Variants in OPN3 observed in about 807,000 individuals in gnomAD.
OPN3 encodes the protein opsin 3.
A neutral mutation model predicts 33.8 loss-of-function variants in OPN3; 29 were observed. The ratio of observed to expected loss-of-function variants is 0.86; its 90% CI spans 0.64 to 1.17. OPN3 has a LOEUF of 1.17. Ranked by LOEUF, OPN3 falls within the 50% of genes most tolerant of loss-of-function variation. The pLI is 0.00. For missense variants in OPN3, 437 were observed against 514.1 expected (o/e 0.85, Z 1.45); for synonymous variants, 216 against 216.1 (o/e 1.00, Z 0.00).
chr1:241,605,252 T>C (rs1395427451), intron 1 of OPN3, among the ~76,000 whole-genome samples: 1 of 152,038 alleles, frequency 6.6e-6, no homozygotes, highest in Non-Finnish European at 1.5e-5. Flanking sequence ...TACCTTCTCT[T>C]GGCTGTCTCT....
intron 1 of OPN3, among the ~76,000 whole-genome samples, chr1:241,626,066 G>A (rs766203962): frequency 9.2e-5 from 14 of 152,220 alleles, no homozygotes; most frequent in Admixed American, 6.5e-4. Context: ...ATATCTAAAT[G>A]TGTACTATTT....
chr1:241,606,594 A>T (rs1387317545), intron 1 of OPN3, among the ~76,000 whole-genome samples: 2 of 150,544 alleles, frequency 1.3e-5, no homozygotes, highest in Non-Finnish European at 3.0e-5. Context: ...AATAAAATAA[A>T]TAAAATAACT....
At chr1:241,630,007 T>C (rs1664562519) in intron 1 of OPN3, 1 of 152,102 alleles carries the variant, frequency 6.6e-6, no homozygotes, top group Non-Finnish European at 1.5e-5. Flanking sequence ...CAGCAACCAG[T>C]TGGAATGTTA....
intron 1 of OPN3, among the ~76,000 whole-genome samples, chr1:241,607,534 C>T (rs1663864553): frequency 7.1e-6 from 1 of 139,984 alleles, no homozygotes; most frequent in South Asian, 2.3e-4. Context: ...GACAGACAGA[C>T]AGAGAGCAAG....
At chr1:241,606,789 A>G (rs1210872961) in intron 1 of OPN3, among the ~76,000 whole-genome samples, 10 of 152,174 alleles carry the variant, frequency 6.6e-5, no homozygotes, top group African/African-American at 1.9e-4. Context: ...AATGAAAATA[A>G]GACTGGTCTC....
intron 1 of OPN3, among the ~76,000 whole-genome samples, chr1:241,637,759 A>G (rs1030120151): frequency 6.6e-5 from 10 of 152,218 alleles, no homozygotes; most frequent in Non-Finnish European, 1.2e-4. Context: ...GGAGAGATTA[A>G]GTGACTTGAG....
chr1:241,634,927 T>A, intron 1 of OPN3: 1 of 1,612,766 alleles, frequency 6.2e-7, no homozygotes, highest in Non-Finnish European at 8.5e-7. Flanking sequence ...AGACATCTGC[T>A]CTGGAACAAG....
At chr1:241,615,787 G>A (rs963233550) in intron 1 of OPN3, 1 of 451,752 alleles carries the variant, frequency 2.2e-6, no homozygotes, top group South Asian at 1.6e-5. Flanking sequence ...TTGCTTCCCA[G>A]CAGCGGTGGC....
chr1:241,602,706 GAC>G (rs935819537), intron 2 of OPN3, among the ~76,000 whole-genome samples: 3 of 151,936 alleles, frequency 2.0e-5, no homozygotes, highest in Non-Finnish European at 4.4e-5. Context: ...TTCTTACAAG[GAC>G]ACTAATCCCC....
intron 1 of OPN3, among the ~76,000 whole-genome samples, chr1:241,622,179 T>C (rs151151725): frequency 0.022 from 3,321 of 152,272 alleles, 52 homozygotes; most frequent in South Asian, 0.038. Context: ...TATATCTAAC[T>C]ACCTCATGGA....
In OPN3 at chr1:241,593,636, G is replaced by C. The variant is rs575504304; in HGVS notation, c.*792C>G. ...GAAAAACAAACATAAATTTATTAGC[G>C]GGTATATGTAATATATATGTGGGAA... On this transcript the variant is annotated 3_prime_UTR_variant, in exon 4 of 4. Coordinates refer to ENST00000366554, the MANE Select transcript of OPN3 (RefSeq NM_014322.3). 93 of 217,026 alleles carry C rather than the reference G, an allele frequency of 4.3e-4. No homozygotes were observed. The highest frequency in any genetic ancestry group is 1.1e-4 in the Non-Finnish European group (11 of 100,320). 13.4% of individuals were successfully genotyped at this position (217,026 alleles called of 1,614,324 possible). A position where few individuals can be genotyped will look rare whatever the true frequency, so the allele number is the denominator to read the frequency against.
intron 1 of OPN3, among the ~76,000 whole-genome samples, chr1:241,627,925 C>G (rs964334418): frequency 2.0e-5 from 3 of 152,120 alleles, no homozygotes; most frequent in African/African-American, 7.2e-5. Context: ...CTTTATACTT[C>G]CTCTCCCTAA....
chr1:241,627,055 A>C (rs1664440951), intron 1 of OPN3, among the ~76,000 whole-genome samples: 1 of 152,204 alleles, frequency 6.6e-6, no homozygotes, highest in African/African-American at 2.4e-5. Context: ...TATTAGAATT[A>C]AATATATATT....
intron 1 of OPN3, among the ~76,000 whole-genome samples, chr1:241,612,666 T>C (rs1295606953): frequency 6.6e-6 from 1 of 152,196 alleles, no homozygotes; most frequent in Non-Finnish European, 1.5e-5. Flanking sequence ...CCTTAACTGC[T>C]CTATGGATAA....
At chr1:241,604,866 G>C (rs1663783677) in intron 1 of OPN3, among the ~76,000 whole-genome samples, 1 of 151,912 alleles carries the variant, frequency 6.6e-6, no homozygotes. Context: ...GACCAGCCTG[G>C]ACAACATGGC....
intron 1 of OPN3, among the ~76,000 whole-genome samples, chr1:241,605,783 A>AG (rs1432520282): frequency 2.1e-4 from 32 of 152,378 alleles, no homozygotes; most frequent in African/African-American, 7.5e-4. Flanking sequence ...AAGGACACCA[A>AG]GGGGTCTATA....
chr1:241,617,129 C>A (rs1233897206), intron 1 of OPN3, among the ~76,000 whole-genome samples: 2 of 151,812 alleles, frequency 1.3e-5, no homozygotes, highest in Admixed American at 1.3e-4. Flanking sequence ...TCTCATCGTC[C>A]CCATTTGATG....
chr1:241,634,650 T>C (rs769080965), intron 1 of OPN3: 2 of 1,613,704 alleles, frequency 1.2e-6, no homozygotes, highest in South Asian at 1.1e-5. Flanking sequence ...AAAAAGGGGG[T>C]GTTGCCAAAC....
At position 241,640,109 on chromosome 1, in the gene OPN3, C is replaced by A. The variant is rs763444801; in HGVS notation, c.146G>T (p.Gly49Val). Residue 49 changes from glycine to valine, a missense_variant, in exon 1 of 4, where the codon GGC becomes GTC. Gly to Val is a moderately radical substitution (Grantham distance 109). Transcript: ENST00000366554. Reference protein sequence around the residue: ...GTYERLALLLGSIGLLGVGNN... With the variant: ...GTYERLALLLVSIGLLGVGNN... The stretch of plus-strand genomic sequence containing the variant: ...GCCGACGCCCAGCAGCCCAATGGAG[C>A]CCAGCAGCAGCGCCAGGCGCTCGTA... 2.5e-6 allele frequency: 4 copies of A among 1,604,522 alleles called. No individual in the cohort carries two copies. The highest frequency in any genetic ancestry group is 3.4e-6 in the Non-Finnish European group (4 of 1,176,204).
Sources: gnomAD v4.1 joint callset for allele counts (sites outside exome capture counted in the v4.1 genomes callset) on GRCh38, gnomAD v4.1.1 for gene constraint, MANE v1.5 for transcripts, NCBI Gene and HGNC (gene_info 2026-07-23, HGNC 2026-07-21) for gene names.